The following AUTS2 variants were observed in gnomAD, a reference collection of about 807,000 sequenced individuals.
The protein encoded by AUTS2 is autism susceptibility gene 2 protein.
AUTS2 carries 17 observed loss-of-function variants against 112.4 expected under a neutral mutation model. The observed-to-expected ratio is 0.15, with a 90% confidence interval of 0.10 to 0.23. AUTS2 has a LOEUF of 0.23. Ranked by LOEUF, AUTS2 falls within the 10% of genes least tolerant of loss-of-function variation. The probability of loss-of-function intolerance (pLI) is 1.00; values close to 1 mark genes in which losing one functional copy is unlikely to be tolerated. For missense variants in AUTS2, 1,510 were observed against 1,701.6 expected (o/e 0.89, Z 1.98); for synonymous variants, 751 against 702.7 (o/e 1.07, Z -1.09).
At chr7:69,624,836 G>A (rs920669753) in intron 1 of AUTS2, among the ~76,000 whole-genome samples, 2 of 152,126 alleles carry the variant, frequency 1.3e-5, no homozygotes, top group African/African-American at 4.8e-5. Flanking sequence ...AAATATTCCT[G>A]TGTGCACAAA....
chr7:69,965,195 A>G lies in AUTS2; in HGVS notation c.522+65697A>G, dbSNP rs80054986. ...TTGGTGATAGTTCCAAATGCTCCCCACTGTCCCCACGGCTATAATGATAGG... is the reference window on the plus strand; with the variant it reads ...TTGGTGATAGTTCCAAATGCTCCCCGCTGTCCCCACGGCTATAATGATAGG... On this transcript the variant is annotated intron_variant, in intron 2 of 18. Coordinates refer to ENST00000342771, the MANE Select transcript of AUTS2 (RefSeq NM_015570.4). Among the ~76,000 whole-genome samples, 322 of 152,078 alleles carry G rather than the reference A, an allele frequency of 2.1e-3. 1 individual carries two copies. Among genetic ancestry groups the G allele is most frequent in the African/African-American group, 7.4e-3 (308 of 41,490 alleles).
At chr7:70,610,262 G>T (rs1206789825) in intron 5 of AUTS2, among the ~76,000 whole-genome samples, 1 of 151,962 alleles carries the variant, frequency 6.6e-6, no homozygotes, top group Non-Finnish European at 1.5e-5. Flanking sequence ...ACCTCTCAAA[G>T]TTCTGGGATT....
chr7:70,137,815 G>T (rs1250006000), intron 4 of AUTS2, among the ~76,000 whole-genome samples: 1 of 152,166 alleles, frequency 6.6e-6, no homozygotes, highest in Non-Finnish European at 1.5e-5. Context: ...GTCTCATCAG[G>T]TGGCTGTGCA....
rs1043488372 is a variant in AUTS2, at chr7:69,927,710, G to A, written c.522+28212G>A. Among the ~76,000 whole-genome samples the A allele has an allele frequency of 3.3e-5, 5 of 152,204 alleles. 1 individual carries two copies. The Middle Eastern group carries it at 9.5e-3, about 289-fold the overall frequency. On this transcript the variant is annotated intron_variant, in intron 2 of 18. Transcript: ENST00000342771. Reference sequence around the variant, plus strand: ...GCCACTGCACACAGCCAGGCTTAACGGCTGCTGCAGTGGGGAGGGCAGCTC... The same window carrying A: ...GCCACTGCACACAGCCAGGCTTAACAGCTGCTGCAGTGGGGAGGGCAGCTC...
At chr7:70,391,894 T>C (rs529969025) in intron 4 of AUTS2, among the ~76,000 whole-genome samples, 1 of 152,082 alleles carries the variant, frequency 6.6e-6, no homozygotes, top group Non-Finnish European at 1.5e-5. Flanking sequence ...CCAGTATTTA[T>C]TTTGCTGCCA....
At chr7:69,742,818 CTAGTTGTGGTAATTAT>C (rs1386195400) in intron 1 of AUTS2, among the ~76,000 whole-genome samples, 1 of 152,170 alleles carries the variant, frequency 6.6e-6, no homozygotes, top group Non-Finnish European at 1.5e-5. Flanking sequence ...TAGTAGGTGG[CTAGTTGTGGTAATTAT>C]TTGTTGCCTG....
At chr7:70,295,996 CA>C (rs34241023) in intron 4 of AUTS2, among the ~76,000 whole-genome samples, 8 of 147,626 alleles carry the variant, frequency 5.4e-5, no homozygotes, top group East Asian at 2.0e-4. Context: ...CTGGGAATAC[CA>C]AAAAAAAAAG....
intron 1 of AUTS2, among the ~76,000 whole-genome samples, chr7:69,868,738 A>G (rs1030291183): frequency 5.3e-5 from 8 of 152,158 alleles, no homozygotes; most frequent in Admixed American, 5.2e-4. Flanking sequence ...TGAAATTTTG[A>G]TAGGTGAAAT....
chr7:70,112,072 C>CA (rs1805116570), intron 2 of AUTS2, among the ~76,000 whole-genome samples: 3 of 151,578 alleles, frequency 2.0e-5, no homozygotes, highest in Admixed American at 2.0e-4. Flanking sequence ...ATAATTAGGC[C>CA]ATTTATTTCT....
intron 5 of AUTS2, among the ~76,000 whole-genome samples, chr7:70,632,982 C>G (rs528773064): frequency 6.6e-6 from 1 of 150,736 alleles, no homozygotes; most frequent in Non-Finnish European, 1.5e-5. Flanking sequence ...AGGCAAAGCC[C>G]TCTACCTTGG....
intron 2 of AUTS2, among the ~76,000 whole-genome samples, chr7:70,102,412 C>G (rs1173117453): frequency 1.3e-5 from 2 of 151,798 alleles, no homozygotes; most frequent in Non-Finnish European, 2.9e-5. Flanking sequence ...GCCACCACAC[C>G]CAGCCTGCAG....
intron 4 of AUTS2, among the ~76,000 whole-genome samples, chr7:70,367,716 T>C (rs1437353107): frequency 6.6e-6 from 1 of 152,150 alleles, no homozygotes; most frequent in African/African-American, 2.4e-5. Flanking sequence ...TAGGAAGCAG[T>C]AGTTTTGCAA....
intron 2 of AUTS2, among the ~76,000 whole-genome samples, chr7:70,056,142 C>T (rs1028544834): frequency 5.3e-5 from 8 of 151,986 alleles, no homozygotes; most frequent in African/African-American, 1.7e-4. Context: ...CGTGCACCAC[C>T]GTGCCCGGCT....
intron 3 of AUTS2, among the ~76,000 whole-genome samples, chr7:70,124,759 T>C (rs1298668390): frequency 6.6e-6 from 1 of 152,014 alleles, no homozygotes; most frequent in Non-Finnish European, 1.5e-5. Context: ...GACGATGTTT[T>C]ACCATGTTGG....
chr7:69,833,888 A>G (rs901901209), intron 1 of AUTS2, among the ~76,000 whole-genome samples: 1 of 152,228 alleles, frequency 6.6e-6, no homozygotes, highest in Non-Finnish European at 1.5e-5. Flanking sequence ...CACTCATGAT[A>G]GAATCATTTG....
intron 2 of AUTS2, among the ~76,000 whole-genome samples, chr7:70,044,451 G>A (rs1801410533): frequency 6.6e-6 from 1 of 152,022 alleles, no homozygotes; most frequent in Non-Finnish European, 1.5e-5. Flanking sequence ...GGATGGCCTG[G>A]GGATGGGTAT....
chr7:70,333,231 G>A (rs1346508773), intron 4 of AUTS2, among the ~76,000 whole-genome samples: 1 of 152,186 alleles, frequency 6.6e-6, no homozygotes, highest in South Asian at 2.1e-4. Context: ...GGTCATTAGA[G>A]AAATGCAAAT....
intron 1 of AUTS2, among the ~76,000 whole-genome samples, chr7:69,760,258 C>T (rs1271740173): frequency 7.1e-6 from 1 of 141,594 alleles, no homozygotes; most frequent in South Asian, 2.4e-4. Flanking sequence ...CGATCTCAAA[C>T]TCCTGGCCTC....
At chr7:69,732,062 G>C (rs1786821018) in intron 1 of AUTS2, among the ~76,000 whole-genome samples, 1 of 151,918 alleles carries the variant, frequency 6.6e-6, no homozygotes, top group Non-Finnish European at 1.5e-5. Context: ...CTGTAAGGTT[G>C]GAGGTTGTTA....
Sources: gnomAD v4.1 joint callset for allele counts (sites outside exome capture counted in the v4.1 genomes callset) on GRCh38, gnomAD v4.1.1 for gene constraint, MANE v1.5 for transcripts, NCBI Gene and HGNC (gene_info 2026-07-23, HGNC 2026-07-21) for gene names.